Variants in ZNF407 observed in about 807,000 individuals in gnomAD.
The protein encoded by ZNF407 is zinc finger protein 407.
In ZNF407, 17 loss-of-function variants were observed where a neutral mutation model predicts 131.2. That is an observed-to-expected ratio of 0.13 (90% CI 0.09 to 0.19). The LOEUF (loss-of-function observed/expected upper bound fraction) is 0.19, where lower values mean the gene tolerates loss of function less well. ZNF407 is among the 10% of genes least tolerant of loss of function. The pLI is 1.00. For synonymous variants in ZNF407, 1,156 were observed against 1,062.0 expected (o/e 1.09, Z -1.72); for missense variants, 2,681 against 2,830.6 (o/e 0.95, Z 1.20).
chr18:74,816,741 G>C (rs1970272455), intron 4 of ZNF407, among the ~76,000 whole-genome samples: 2 of 152,212 alleles, frequency 1.3e-5, no homozygotes, highest in South Asian at 4.2e-4. Context: ...ATTGCTGAAA[G>C]TATTCACTTT....
chr18:74,993,703 G>A (rs1411853905), intron 8 of ZNF407, among the ~76,000 whole-genome samples: 3 of 152,226 alleles, frequency 2.0e-5, no homozygotes, highest in African/African-American at 4.8e-5. Context: ...CAGCGATTAA[G>A]TAATAGTTAA....
At chr18:74,959,124 A>T (rs1476867444) in intron 8 of ZNF407, among the ~76,000 whole-genome samples, 2 of 152,222 alleles carry the variant, frequency 1.3e-5, no homozygotes, top group Non-Finnish European at 2.9e-5. Flanking sequence ...TTTTCTGTGT[A>T]ACCTCAAAGA....
chr18:74,606,109 A>G (rs1599122908), intron 1 of ZNF407, among the ~76,000 whole-genome samples: 1 of 152,260 alleles, frequency 6.6e-6, no homozygotes, highest in Non-Finnish European at 1.5e-5. Flanking sequence ...TGATGTGGAC[A>G]TGAAGAGCTT....
At chr18:74,859,391 C>T (rs577514387) in intron 4 of ZNF407, among the ~76,000 whole-genome samples, 5 of 152,154 alleles carry the variant, frequency 3.3e-5, no homozygotes, top group South Asian at 2.1e-4. Context: ...TAGTATTTAA[C>T]GTGTAACACT....
intron 4 of ZNF407, among the ~76,000 whole-genome samples, chr18:74,848,138 T>C (rs1970728276): frequency 6.6e-6 from 1 of 152,216 alleles, no homozygotes; most frequent in Non-Finnish European, 1.5e-5. Flanking sequence ...CATACATTGT[T>C]TTCCAGACTT....
chr18:74,746,395 C>A (rs1300518515), intron 3 of ZNF407, among the ~76,000 whole-genome samples: 1 of 152,060 alleles, frequency 6.6e-6, no homozygotes, highest in African/African-American at 2.4e-5. Flanking sequence ...TAAACTGTAT[C>A]TTACTGCAAG....
intron 8 of ZNF407, among the ~76,000 whole-genome samples, chr18:74,962,547 C>T (rs1972358410): frequency 6.6e-6 from 1 of 152,226 alleles, no homozygotes; most frequent in Non-Finnish European, 1.5e-5. Context: ...CACTCTTGGG[C>T]TCATTCCTCT....
At chr18:74,913,432 C>T (rs545067963) in intron 7 of ZNF407, among the ~76,000 whole-genome samples, 6 of 152,236 alleles carry the variant, frequency 3.9e-5, no homozygotes, top group African/African-American at 1.4e-4. Flanking sequence ...TAAGCGTGCC[C>T]TTCGGTGTTC....
intron 4 of ZNF407, among the ~76,000 whole-genome samples, chr18:74,783,554 T>A (rs1340428686): frequency 6.6e-6 from 1 of 150,444 alleles, no homozygotes; most frequent in East Asian, 1.9e-4. Context: ...AATTTACTGT[T>A]TTTTTTTTTC....
intron 8 of ZNF407, among the ~76,000 whole-genome samples, chr18:75,053,846 C>T (rs961676954): frequency 1.3e-5 from 2 of 152,212 alleles, no homozygotes; most frequent in Admixed American, 6.5e-5. Context: ...TGAGGGCCAT[C>T]GTCCCCTCAC....
At chr18:74,819,326 A>G (rs555149524) in intron 4 of ZNF407, among the ~76,000 whole-genome samples, 2 of 152,290 alleles carry the variant, frequency 1.3e-5, no homozygotes, top group Admixed American at 6.5e-5. Context: ...TCCTTTACTT[A>G]AAAGGAAGTT....
Position 74,635,014 on chromosome 18 carries a change from A to G in ZNF407, c.3995A>G (p.Glu1332Gly). Residue 1332 changes from glutamate to glycine, a missense_variant, in exon 2 of 9, where the codon GAA (glutamate) becomes GGA (glycine). Physicochemically the swap from Glu to Gly is moderately conservative, Grantham distance 98 (BLOSUM62 -2). This residue lies in a region of ZNF407 where 1,789 missense variants were observed against 1,748.7 expected (regional missense o/e 1.02). Transcript: ENST00000299687. This position sits in a 1 kb window ranked among gnomAD's most constrained non-coding sequence, Gnocchi z 4.7. ...EDGPASDSTV[E>G]SSDVYETIIS... The stretch of plus-strand genomic sequence containing the variant: ...GGCCCAGCTTCTGATAGCACAGTTG[A>G]AAGTAGTGATGTCTATGAAACTATA... 1 of 1,614,026 alleles carries G rather than the reference A, an allele frequency of 6.2e-7. No individual in the cohort carries two copies. Among genetic ancestry groups the G allele is most frequent in the Non-Finnish European group, 8.5e-7 (1 of 1,179,894 alleles).
chr18:74,603,534 G>A (rs775257378), intron 1 of ZNF407, among the ~76,000 whole-genome samples: 55 of 152,208 alleles, frequency 3.6e-4, no homozygotes, highest in Non-Finnish European at 6.5e-4. Flanking sequence ...TGTAAGGCAG[G>A]CCACGTAATC....
At chr18:74,721,223 A>G (rs1968028920) in intron 3 of ZNF407, among the ~76,000 whole-genome samples, 1 of 152,002 alleles carries the variant, frequency 6.6e-6, no homozygotes. Flanking sequence ...GGTTAAATTT[A>G]TTCCTAGGCA....
At chr18:74,818,562 G>C (rs561444144) in intron 4 of ZNF407, among the ~76,000 whole-genome samples, 6 of 152,318 alleles carry the variant, frequency 3.9e-5, no homozygotes, top group African/African-American at 1.2e-4. Context: ...TTTGTTCACT[G>C]TCCTTCTTTT....
intron 8 of ZNF407, among the ~76,000 whole-genome samples, chr18:74,923,304 C>CTTT (rs201372058): frequency 7.2e-6 from 1 of 139,720 alleles, no homozygotes; most frequent in East Asian, 2.1e-4. Context: ...TTCTGGTTAT[C>CTTT]TTTTTTTTTT....
chr18:74,964,452 T>C (rs1166196259), intron 8 of ZNF407, among the ~76,000 whole-genome samples: 1 of 152,244 alleles, frequency 6.6e-6, no homozygotes, highest in African/African-American at 2.4e-5. Context: ...AAAGCACTTT[T>C]TTTGTTTGTA....
At chr18:74,944,109 A>T (rs1434258630) in intron 8 of ZNF407, among the ~76,000 whole-genome samples, 2 of 152,184 alleles carry the variant, frequency 1.3e-5, no homozygotes, top group Non-Finnish European at 2.9e-5. Flanking sequence ...TTTAGTGTTT[A>T]GTTCTTTTGA....
Position 75,018,014 on chromosome 18 carries a change from T to C in ZNF407, c.5429-45136T>C, listed in dbSNP as rs200586288. On this transcript the variant is annotated intron_variant, in intron 8 of 8. Coordinates refer to ENST00000299687, the MANE Select transcript of ZNF407 (RefSeq NM_017757.3). ...TTCTTGGGTGGGAGAGTTTAATCCATAGTAATCTATGATAAATCAAAAAGA... is the reference window on the plus strand; with the variant it reads ...TTCTTGGGTGGGAGAGTTTAATCCACAGTAATCTATGATAAATCAAAAAGA... Among the ~76,000 whole-genome samples, 10 of 152,314 alleles carry C rather than the reference T, an allele frequency of 6.6e-5. No homozygotes were observed. In the East Asian group the frequency reaches 1.7e-3, roughly 26 times the overall value.
Sources: allele counts gnomAD v4.1 joint callset (sites outside exome capture counted in the v4.1 genomes callset), GRCh38; gene constraint gnomAD v4.1.1; regional missense constraint gnomAD v4.1.1; non-coding constraint Gnocchi (gnomAD v3.1); transcripts MANE v1.5; gene names NCBI Gene and HGNC (gene_info 2026-07-23, HGNC 2026-07-21).